Variants in MYPN observed in about 807,000 individuals in gnomAD.
MYPN encodes myopalladin.
A neutral mutation model predicts 129.4 loss-of-function variants in MYPN; 63 were observed. The observed-to-expected ratio is 0.49, with a 90% CI of 0.40 to 0.60. MYPN has a LOEUF of 0.60. Ranked by LOEUF, MYPN falls within the 20% of genes least tolerant of loss-of-function variation. MYPN has a pLI of 0.00. For missense variants in MYPN, 1,596 were observed against 1,635.4 expected, an observed-to-expected ratio of 0.98 and a Z score of 0.42; for synonymous variants, 629 against 600.9, an observed-to-expected ratio of 1.05 and a Z score of -0.68.
chr10:68,150,238 G>T (rs1406848334), intron 6 of MYPN, 127 bp downstream of exon 6: 8 of 827,840 alleles, frequency 9.7e-6, no homozygotes, highest in Non-Finnish European at 1.6e-5. Context: ...ATAGGGTTTG[G>T]GTTGTTTTGT....
At chr10:68,180,967 T>C (rs1322970844) in intron 12 of MYPN, among the ~76,000 whole-genome samples, 1 of 152,244 alleles carries the variant, frequency 6.6e-6, no homozygotes, top group Admixed American at 6.5e-5. Flanking sequence ...CTGAAGTAAA[T>C]ATTTTTAGCT....
intron 6 of MYPN, 32 bp downstream of exon 6, chr10:68,150,143 CT>C: frequency 6.5e-7 from 1 of 1,541,152 alleles, no homozygotes; most frequent in Non-Finnish European, 9.0e-7. Context: ...TCTGTCATGG[CT>C]TTAAAGATAC....
Position 68,197,372 on chromosome 10 carries a change from A to G in MYPN, c.3179A>G (p.Glu1060Gly). 1 of 1,613,910 alleles carries G rather than the reference A, an allele frequency of 6.2e-7. No homozygotes were observed. Among genetic ancestry groups the G allele is most frequent in the Non-Finnish European group, 8.5e-7 (1 of 1,179,894 alleles). The stretch of plus-strand genomic sequence containing the variant: ...TATAGGGGAAGATCCCGAGTGCAAG[A>G]AAGAGACAAAGAGCCCCTACAGGAA... The part of the protein sequence containing the change: ...QSHRGRSRVQ[E>G]RDKEPLQERF... Residue 1060 changes from glutamate to glycine, a missense_variant, in exon 16 of 20, where the codon GAA becomes GGA. By Grantham distance (98) the Glu-to-Gly change is moderately conservative. Transcript: ENST00000358913.
rs538245141 is a variant in MYPN, at chr10:68,153,174, C to T, written c.1317+3063C>T. On this transcript the variant is annotated intron_variant, in intron 6 of 19. Coordinates refer to ENST00000358913, the MANE Select transcript of MYPN (RefSeq NM_032578.4). ...CTAATTTTTGTGTTTTTAGTAGAGA[C>T]GGGGTTTCACCATGTTGCCCTGGCT... 7.3e-5 allele frequency among the ~76,000 whole-genome samples: 11 copies of T among 151,052 alleles called. No individual in the cohort carries two copies. In the South Asian group the frequency reaches 1.7e-3, roughly 23 times the overall value.
In MYPN at chr10:68,189,126, G is replaced by T. The variant is rs2134258333; in HGVS notation, c.2925G>T (p.Lys975Asn). ...TCKIVGIPVP[K>N]VYWFKDGKQI... ...AAATTGTTGGGATACCTGTTCCAAA[G>T]GTAGGGAAGATGACAAGCCAGTTGG... The change falls in exon 13 of 20, where the codon AAG becomes AAT. Residue 975 changes from lysine (K) to asparagine (N), a missense_variant and splice_region_variant. Lys to Asn is a moderately conservative substitution (Grantham distance 94, BLOSUM62 0). Coordinates refer to ENST00000358913, the MANE Select transcript of MYPN (RefSeq NM_032578.4). 6.2e-7 allele frequency: 1 copy of T among 1,612,808 alleles called. No individual in the cohort carries two copies. Among genetic ancestry groups the T allele is most frequent in the Non-Finnish European group, 8.5e-7 (1 of 1,178,944 alleles).
rs377276601 is a variant in MYPN, at chr10:68,179,750, T to C, written c.2703+4289T>C. Among the ~76,000 whole-genome samples the C allele has an allele frequency of 5.3e-5, 8 of 151,730 alleles. 1 individual carries two copies. The highest frequency in any genetic ancestry group is 1.9e-4 in the African/African-American group (8 of 41,350). On this transcript the variant is annotated intron_variant, in intron 12 of 19. Transcript: ENST00000358913. ...ATCTCCACTCATTGCAGCCTTGACT[T>C]CTCGGGCTCAAGTGATCCTCCCACC...
chr10:68,094,748 TG>T (rs2041948459), intron 1 of MYPN, among the ~76,000 whole-genome samples: 2 of 151,920 alleles, frequency 1.3e-5, no homozygotes, highest in Non-Finnish European at 2.9e-5. Flanking sequence ...AAAAAATAGG[TG>T]GGTGTGACTG....
chr10:68,112,409 C>G (rs1018129027), intron 1 of MYPN, among the ~76,000 whole-genome samples: 1 of 152,102 alleles, frequency 6.6e-6, no homozygotes, highest in Admixed American at 6.6e-5. Context: ...CCCACTCAAA[C>G]GAAATCTTTA....
intron 1 of MYPN, among the ~76,000 whole-genome samples, chr10:68,121,085 C>T (rs2042234091): frequency 6.6e-6 from 1 of 152,138 alleles, no homozygotes; most frequent in Non-Finnish European, 1.5e-5. Flanking sequence ...TCGAGACCAG[C>T]CTGGGCAACA....
At chr10:68,154,506 A>G (rs1395765325) in intron 6 of MYPN, among the ~76,000 whole-genome samples, 6 of 152,196 alleles carry the variant, frequency 3.9e-5, no homozygotes, top group Non-Finnish European at 7.3e-5. Context: ...TCCCCATTCA[A>G]TCAATTCTGG....
Position 68,109,678 on chromosome 10 carries a change from G to A in MYPN, c.-47G>A. On this transcript the variant is annotated 5_prime_UTR_variant, in exon 1 of 20. The change creates a new upstream start codon in the 5' untranslated region. Transcript: ENST00000358913. ...CCTGGATAATTATCATTGCAGTGGA[G>A]TGCCTGGATTGGACATCCTCATCTG... is the stretch of plus-strand genomic sequence containing the variant. 1 of 454,070 alleles carries A rather than the reference G, an allele frequency of 2.2e-6. No individual in the cohort carries two copies. The highest frequency in any genetic ancestry group is 4.4e-6 in the Non-Finnish European group (1 of 226,790). 28.1% of individuals were successfully genotyped at this position (454,070 alleles called of 1,614,324 possible).
chr10:68,118,898 G>GA (rs1430825906), intron 1 of MYPN, among the ~76,000 whole-genome samples: 2 of 149,696 alleles, frequency 1.3e-5, no homozygotes, highest in African/African-American at 4.9e-5. Flanking sequence ...AGGAAGGAAG[G>GA]AAGGAAGGAA....
intron 16 of MYPN, among the ~76,000 whole-genome samples, chr10:68,198,504 A>C (rs1341501097): frequency 6.6e-6 from 1 of 152,108 alleles, no homozygotes; most frequent in East Asian, 1.9e-4. Context: ...CTTGAGATTA[A>C]GCATTCATAA....
At chr10:68,177,538 T>C (rs2043246366) in intron 12 of MYPN, among the ~76,000 whole-genome samples, 1 of 152,200 alleles carries the variant, frequency 6.6e-6, no homozygotes, top group Admixed American at 6.5e-5. Flanking sequence ...ATGATGATCA[T>C]ATTATAATAT....
At chr10:68,128,529 T>C (rs1285469155) in intron 2 of MYPN, among the ~76,000 whole-genome samples, 1 of 152,166 alleles carries the variant, frequency 6.6e-6, no homozygotes, top group Non-Finnish European at 1.5e-5. Flanking sequence ...AAATATTAAG[T>C]GCCTATTTAT....
At chr10:68,167,522 C>A (rs780518435) in intron 10 of MYPN, among the ~76,000 whole-genome samples, 1 of 152,276 alleles carries the variant, frequency 6.6e-6, no homozygotes, top group African/African-American at 2.4e-5. Context: ...CCATCCATAA[C>A]AAAGCAAATA....
At chr10:68,207,061 C>T (rs2043828929) in intron 19 of MYPN, among the ~76,000 whole-genome samples, 158 bp downstream of exon 19, 1 of 152,068 alleles carries the variant, frequency 6.6e-6, no homozygotes, top group Non-Finnish European at 1.5e-5. Context: ...AGTTCAAGAC[C>T]AGCCTGGTCA....
rs1326709796 is a variant in MYPN, at chr10:68,121,748, C to G, written c.310C>G (p.Gln104Glu). ...TQARKRLSPD[Q>E]MKHSPNLSFE... ...AGCTAGAAAACGACTTTCTCCTGATCAGATGAAACACTCACCTAATTTAAG... is the reference window on the plus strand; with the variant it reads ...AGCTAGAAAACGACTTTCTCCTGATGAGATGAAACACTCACCTAATTTAAG... The change falls in exon 2 of 20, where the codon CAG becomes GAG. Residue 104 changes from glutamine to glutamate, a missense_variant. Gln to Glu is a conservative substitution (Grantham distance 29). Transcript: ENST00000358913. 3.1e-6 allele frequency: 5 copies of G among 1,614,208 alleles called. No individual in the cohort carries two copies. In the South Asian group the frequency reaches 5.5e-5, roughly 18 times the overall value.
At chr10:68,141,426 C>T (rs540643418) in intron 2 of MYPN, among the ~76,000 whole-genome samples, 2 of 151,810 alleles carry the variant, frequency 1.3e-5, no homozygotes, top group East Asian at 3.9e-4. Context: ...GGGATTATAG[C>T]ACTGAGTGGT....
Sources: allele counts gnomAD v4.1 joint callset (sites outside exome capture counted in the v4.1 genomes callset), GRCh38; gene constraint gnomAD v4.1.1; transcripts MANE v1.5; gene names NCBI Gene and HGNC (gene_info 2026-07-23, HGNC 2026-07-21).